MECOM: variants seen among roughly 807,000 people sequenced by gnomAD.
MECOM encodes the protein MDS1 and EVI1 complex locus, also known as histone-lysine N-methyltransferase MECOM.
MECOM carries 13 observed loss-of-function variants against 116.3 expected under a neutral mutation model. The observed-to-expected ratio is 0.11, with a 90% CI of 0.07 to 0.18. The LOEUF is 0.18. Ranked by LOEUF, MECOM falls within the 10% of genes least tolerant of loss-of-function variation. The pLI is 1.00. For synonymous variants in MECOM, 528 were observed against 535.2 expected, an observed-to-expected ratio of 0.99 and a Z score of 0.19; for missense variants, 1,299 against 1,509.0, an observed-to-expected ratio of 0.86 and a Z score of 2.31.
At chr3:169,348,348 A>G (rs1438164219) in intron 2 of MECOM, among the ~76,000 whole-genome samples, 1 of 152,042 alleles carries the variant, frequency 6.6e-6, no homozygotes, top group Non-Finnish European at 1.5e-5. Context: ...TCATAACATA[A>G]TCCTGTAACA....
At chr3:169,263,095 A>G (rs1459367100) in intron 2 of MECOM, among the ~76,000 whole-genome samples, 6 of 60,016 alleles carry the variant, frequency 1.0e-4, no homozygotes, top group Non-Finnish European at 1.3e-4. Flanking sequence ...ATATATATAT[A>G]TATATATATA....
chr3:169,594,176 A>AAAAC (rs1553894631), intron 1 of MECOM, among the ~76,000 whole-genome samples: 83 of 139,732 alleles, frequency 5.9e-4, no homozygotes, highest in African/African-American at 1.1e-3. Context: ...AAAAAAAAAA[A>AAAAC]CACCTTTTCA....
At chr3:169,491,692 G>A (rs1038568304) in intron 1 of MECOM, among the ~76,000 whole-genome samples, 2 of 152,120 alleles carry the variant, frequency 1.3e-5, no homozygotes, top group African/African-American at 2.4e-5. Flanking sequence ...CCAGAGCCAC[G>A]TACCAACAAA....
intron 1 of MECOM, among the ~76,000 whole-genome samples, chr3:169,507,244 C>T (rs930832641): frequency 1.3e-5 from 2 of 152,200 alleles, no homozygotes; most frequent in African/African-American, 4.8e-5. Flanking sequence ...TTCTCTTTCT[C>T]CTCAGACAAG....
At chr3:169,378,422 A>G (rs1439379774) in intron 2 of MECOM, among the ~76,000 whole-genome samples, 1 of 71,994 alleles carries the variant, frequency 1.4e-5, no homozygotes, top group Admixed American at 1.6e-4. Context: ...AGAAAGAAAG[A>G]AAGAAAGAAA....
At chr3:169,259,586 T>G (rs183410092) in intron 2 of MECOM, among the ~76,000 whole-genome samples, 23 of 152,078 alleles carry the variant, frequency 1.5e-4, no homozygotes, top group Admixed American at 1.2e-3. Flanking sequence ...AAATTTTGCC[T>G]GACACAGTGG....
At chr3:169,419,167 C>T (rs535815258) in intron 1 of MECOM, among the ~76,000 whole-genome samples, 84 of 152,222 alleles carry the variant, frequency 5.5e-4, no homozygotes, top group Middle Eastern at 3.4e-3. Context: ...GAATAAAATA[C>T]GTAGAAATAC....
chr3:169,441,232 C>T (rs936637591), intron 1 of MECOM, among the ~76,000 whole-genome samples: 3 of 152,154 alleles, frequency 2.0e-5, no homozygotes, highest in Non-Finnish European at 4.4e-5. Flanking sequence ...TGGACAGAAC[C>T]TTCATCTCTA....
intron 1 of MECOM, among the ~76,000 whole-genome samples, chr3:169,608,549 C>T (rs892130408): frequency 6.6e-6 from 1 of 152,148 alleles, no homozygotes; most frequent in Non-Finnish European, 1.5e-5. Flanking sequence ...ACATACCATC[C>T]TCCCTCCATT....
chr3:169,086,643 G>A (rs79150363), intron 16 of MECOM: 67,484 of 694,734 alleles, frequency 0.097, 5,052 homozygotes, highest in South Asian at 0.25. Flanking sequence ...CTTACATAAA[G>A]TGTTTAGCTC....
At chr3:169,509,303 T>A (rs1232979967) in intron 1 of MECOM, among the ~76,000 whole-genome samples, 1 of 152,206 alleles carries the variant, frequency 6.6e-6, no homozygotes, top group Non-Finnish European at 1.5e-5. Context: ...AAAATCTATT[T>A]TTCTATCACC....
At chr3:169,228,449 A>C (rs917777710) in intron 2 of MECOM, among the ~76,000 whole-genome samples, 4 of 152,204 alleles carry the variant, frequency 2.6e-5, no homozygotes, top group African/African-American at 9.7e-5. Context: ...TATAAACTAC[A>C]GTTTATGCAA....
chr3:169,551,548 C>T (rs1761407905), intron 1 of MECOM, among the ~76,000 whole-genome samples: 1 of 152,156 alleles, frequency 6.6e-6, no homozygotes, highest in African/African-American at 2.4e-5. Flanking sequence ...AATCAAATGA[C>T]TTCTCTTTCA....
At chr3:169,563,612 C>G (rs751307525) in intron 1 of MECOM, among the ~76,000 whole-genome samples, 1 of 152,048 alleles carries the variant, frequency 6.6e-6, no homozygotes, top group South Asian at 2.1e-4. Flanking sequence ...CTGAATATCC[C>G]GGAAGCTTTT....
chr3:169,205,000 G>A (rs938045649), intron 2 of MECOM, among the ~76,000 whole-genome samples: 3 of 152,152 alleles, frequency 2.0e-5, no homozygotes, highest in Non-Finnish European at 4.4e-5. Context: ...TGATCTTAAA[G>A]CAGTTATTTC....
At chr3:169,409,492 C>T (rs1737215742) in intron 1 of MECOM, among the ~76,000 whole-genome samples, 1 of 152,144 alleles carries the variant, frequency 6.6e-6, no homozygotes, top group Admixed American at 6.5e-5. Flanking sequence ...TTATCCTCAA[C>T]CTATCTAGCC....
Position 169,506,501 on chromosome 3 carries a change from AGGC to A in MECOM, c.38-124980_38-124978del, listed in dbSNP as rs1207428119. 2.0e-5 allele frequency among the ~76,000 whole-genome samples: 3 copies of A among 151,932 alleles called. No homozygotes were observed. The East Asian group carries it at 5.8e-4, about 29-fold the overall frequency. The stretch of plus-strand genomic sequence containing the variant: ...TAAAGAAAGCGCTTTAAAGTATGGA[AGGC>A]CCACAGACTGTGCATTTAATTACTG... On this transcript the variant is annotated intron_variant, in intron 1 of 16. Coordinates refer to ENST00000651503, the MANE Select transcript of MECOM (RefSeq NM_004991.4).
intron 2 of MECOM, among the ~76,000 whole-genome samples, chr3:169,192,499 T>C (rs994338979): frequency 1.3e-5 from 2 of 152,058 alleles, no homozygotes. Flanking sequence ...TGTTCTATTA[T>C]CCTATGATTA....
intron 1 of MECOM, among the ~76,000 whole-genome samples, chr3:169,657,133 A>C (rs1369551157): frequency 6.6e-6 from 1 of 152,266 alleles, no homozygotes; most frequent in Non-Finnish European, 1.5e-5. Flanking sequence ...CATTTAGAAC[A>C]CATCAGTGAG....
Sources: gnomAD v4.1 joint callset for allele counts (sites outside exome capture counted in the v4.1 genomes callset) on GRCh38, gnomAD v4.1.1 for gene constraint, MANE v1.5 for transcripts, NCBI Gene and HGNC (gene_info 2026-07-23, HGNC 2026-07-21) for gene names.